Variants in OPCML observed in about 807,000 individuals in gnomAD.
OPCML encodes opioid binding protein/cell adhesion molecule like, also known as opioid-binding protein/cell adhesion molecule.
In OPCML, 13 loss-of-function variants were observed where a neutral mutation model predicts 37.8. The ratio of observed to expected loss-of-function variants is 0.34; its 90% CI spans 0.22 to 0.55. The LOEUF is 0.55. Ranked by LOEUF, OPCML falls within the 20% of genes least tolerant of loss-of-function variation. OPCML has a pLI of 0.91. For missense variants in OPCML, 341 were observed against 435.6 expected (o/e 0.78, Z 1.93); for synonymous variants, 176 against 168.8 (o/e 1.04, Z -0.33).
intron 1 of OPCML, among the ~76,000 whole-genome samples, chr11:133,382,214 T>C (rs1444565083): frequency 6.6e-6 from 1 of 152,238 alleles, no homozygotes; most frequent in Non-Finnish European, 1.5e-5. Context: ...TGCTCATTAA[T>C]CAAGCTCTGG....
intron 3 of OPCML, among the ~76,000 whole-genome samples, chr11:132,540,058 T>C (rs1191517221): frequency 2.0e-5 from 3 of 152,002 alleles, no homozygotes; most frequent in Admixed American, 6.6e-5. Flanking sequence ...TAGACTGAAG[T>C]TGAGCAAGTG....
chr11:133,055,611 T>C (rs1303115457), intron 1 of OPCML, among the ~76,000 whole-genome samples: 3 of 148,322 alleles, frequency 2.0e-5, no homozygotes, highest in Non-Finnish European at 4.5e-5. Flanking sequence ...CGTACAATGC[T>C]GCCTCCATGA....
At chr11:132,644,190 A>T (rs1941018924) in intron 3 of OPCML, among the ~76,000 whole-genome samples, 1 of 151,928 alleles carries the variant, frequency 6.6e-6, no homozygotes, top group African/African-American at 2.4e-5. Flanking sequence ...GATAGGGCTT[A>T]TTTTTTTTCC....
chr11:132,624,048 G>A (rs969264969), intron 3 of OPCML, among the ~76,000 whole-genome samples: 1 of 152,202 alleles, frequency 6.6e-6, no homozygotes, highest in African/African-American at 2.4e-5. Context: ...AAGTGTATCT[G>A]CAACATCTAA....
At position 133,208,640 on chromosome 11, in the gene OPCML, TTGTC is replaced by T. The variant is rs1939220502; in HGVS notation, c.62-265634_62-265631del. ...CATGCATCTCACCTCGAGTTATCCTTTGTCTGCTGTTAAGCTTCATGCACCTTCT... is the reference window on the plus strand; with the variant it reads ...CATGCATCTCACCTCGAGTTATCCTTTGCTGTTAAGCTTCATGCACCTTCT... On this transcript the variant is annotated intron_variant, in intron 1 of 7. Coordinates refer to ENST00000524381, the MANE Select transcript of OPCML (RefSeq NM_001012393.5). This position sits in a 1 kb window ranked among gnomAD's most constrained non-coding sequence, Gnocchi z 8.9. Among the ~76,000 whole-genome samples, 1 of 152,228 alleles carries T rather than the reference TTGTC, an allele frequency of 6.6e-6. No homozygotes were observed. Among genetic ancestry groups the T allele is most frequent in the Non-Finnish European group, 1.5e-5 (1 of 68,044 alleles).
chr11:133,224,078 G>A (rs770610738), intron 1 of OPCML, among the ~76,000 whole-genome samples: 5 of 152,200 alleles, frequency 3.3e-5, no homozygotes, highest in African/African-American at 1.2e-4. Context: ...GCCCAGCTGA[G>A]ATAACATTTA....
intron 1 of OPCML, among the ~76,000 whole-genome samples, chr11:133,104,887 G>GT (rs148182399): frequency 0.024 from 3,726 of 152,204 alleles, 139 homozygotes; most frequent in African/African-American, 0.08. Context: ...ATCAAAAACT[G>GT]TAGGAATAAT....
intron 2 of OPCML, among the ~76,000 whole-genome samples, chr11:132,715,196 G>T (rs568306888): frequency 6.6e-6 from 1 of 152,148 alleles, no homozygotes; most frequent in Non-Finnish European, 1.5e-5. Flanking sequence ...CTAGCTCAGC[G>T]CTGGCTTTTC....
At chr11:132,502,301 T>G (rs1008603868) in intron 4 of OPCML, among the ~76,000 whole-genome samples, 4 of 152,268 alleles carry the variant, frequency 2.6e-5, no homozygotes, top group Non-Finnish European at 4.4e-5. Context: ...ATTTTTACTT[T>G]CTCTTTTTTC....
chr11:133,377,701 G>A (rs760572832), intron 1 of OPCML, among the ~76,000 whole-genome samples: 2 of 151,056 alleles, frequency 1.3e-5, no homozygotes, highest in Non-Finnish European at 2.9e-5. Flanking sequence ...CCTTTGTTTG[G>A]GTCTCCATGA....
intron 4 of OPCML, among the ~76,000 whole-genome samples, chr11:132,527,645 G>A (rs1026955375): frequency 9.2e-5 from 14 of 151,888 alleles, no homozygotes; most frequent in African/African-American, 3.4e-4. Flanking sequence ...TACAAGAAAT[G>A]TTTTTATCCA....
intron 4 of OPCML, among the ~76,000 whole-genome samples, chr11:132,507,224 T>C (rs901639068): frequency 2.6e-5 from 4 of 152,036 alleles, no homozygotes; most frequent in African/African-American, 9.7e-5. Flanking sequence ...AATGCATAGA[T>C]AAGCTGAAAA....
At chr11:133,033,093 A>G (rs1947703913) in intron 1 of OPCML, among the ~76,000 whole-genome samples, 2 of 152,240 alleles carry the variant, frequency 1.3e-5, no homozygotes, top group Admixed American at 1.3e-4. Flanking sequence ...GATTCATTAA[A>G]AAAAGAATGC....
At chr11:133,058,544 C>T (rs1948282161) in intron 1 of OPCML, among the ~76,000 whole-genome samples, 1 of 152,194 alleles carries the variant, frequency 6.6e-6, no homozygotes, top group Non-Finnish European at 1.5e-5. Flanking sequence ...GTGTCCACTT[C>T]TGTTTTATGA....
At chr11:132,676,676 G>A (rs1942715709) in intron 2 of OPCML, among the ~76,000 whole-genome samples, 1 of 150,046 alleles carries the variant, frequency 6.7e-6, no homozygotes, top group Admixed American at 6.7e-5. Context: ...TAAGCACATG[G>A]AAGTAAGCTA....
chr11:133,363,558 G>A (rs912021931), intron 1 of OPCML, among the ~76,000 whole-genome samples: 1 of 152,176 alleles, frequency 6.6e-6, no homozygotes, highest in Non-Finnish European at 1.5e-5. Context: ...TTCCATTAGA[G>A]CCATTTTCTC....
At chr11:133,185,766 C>T (rs1395058351) in intron 1 of OPCML, among the ~76,000 whole-genome samples, 2 of 152,156 alleles carry the variant, frequency 1.3e-5, no homozygotes, top group East Asian at 3.9e-4. Flanking sequence ...CAATTTATGC[C>T]TATCCTTCCT....
chr11:133,045,993 G>A (rs954313503), intron 1 of OPCML, among the ~76,000 whole-genome samples: 3 of 152,144 alleles, frequency 2.0e-5, no homozygotes, highest in East Asian at 1.9e-4. Flanking sequence ...GATGCTCACC[G>A]GCAAGGGGCT....
At chr11:132,604,002 C>A (rs927976206) in intron 3 of OPCML, among the ~76,000 whole-genome samples, 2 of 152,184 alleles carry the variant, frequency 1.3e-5, no homozygotes, top group African/African-American at 4.8e-5. Context: ...CACAAGAAAG[C>A]CAACTCCACC....
Sources: allele counts gnomAD v4.1 joint callset (sites outside exome capture counted in the v4.1 genomes callset), GRCh38; gene constraint gnomAD v4.1.1; non-coding constraint Gnocchi (gnomAD v3.1); transcripts MANE v1.5; gene names NCBI Gene and HGNC (gene_info 2026-07-23, HGNC 2026-07-21).